Variants in IDO2 observed in about 807,000 individuals in gnomAD.
The protein encoded by IDO2 is indoleamine 2,3-dioxygenase-like 1 protein.
IDO2 carries 46 observed loss-of-function variants against 45.1 expected under a neutral mutation model. That is an observed-to-expected ratio of 1.02 (90% confidence interval 0.80 to 1.30). The LOEUF (loss-of-function observed/expected upper bound fraction) is 1.30. Among genes scored for constraint, IDO2 ranks in the 50% most tolerant of loss-of-function variants. IDO2 has a pLI of 0.00. For missense variants in IDO2, 544 were observed against 491.8 expected (o/e 1.11, Z -1.00); for synonymous variants, 218 against 184.9 (o/e 1.18, Z -1.45).
intron 2 of IDO2, among the ~76,000 whole-genome samples, chr8:39,963,346 A>T (rs889045467): frequency 6.6e-6 from 1 of 152,242 alleles, no homozygotes; most frequent in Non-Finnish European, 1.5e-5. Context: ...TGGCTCACAC[A>T]GATATCAGTA....
At chr8:39,996,864 A>G (rs1043842506) in intron 8 of IDO2, among the ~76,000 whole-genome samples, 1 of 152,206 alleles carries the variant, frequency 6.6e-6, no homozygotes, top group Non-Finnish European at 1.5e-5. Context: ...TAACTCAAAA[A>G]CAAGTCTAGT....
At chr8:39,963,546 A>G (rs1401128361) in intron 2 of IDO2, 62 bp from the exon 3 acceptor site, 2 of 904,594 alleles carry the variant, frequency 2.2e-6, no homozygotes, top group South Asian at 1.6e-5. Context: ...GAAAATAGCT[A>G]CTCTCGGAAG....
At chr8:39,954,130 A>G (rs1418963883) in intron 2 of IDO2, among the ~76,000 whole-genome samples, 2 of 152,344 alleles carry the variant, frequency 1.3e-5, no homozygotes, top group East Asian at 3.9e-4. Context: ...GAAGTTGCTT[A>G]GGATACAGAC....
At chr8:39,949,183 G>T in exon 2 of IDO2, 1 of 1,608,232 alleles carries the variant, frequency 6.2e-7, no homozygotes, top group Non-Finnish European at 8.5e-7. Context: ...CCCACAGACC[G>T]AATGTGAAGA....
rs1385563674 is a variant in IDO2, at chr8:39,985,520, TG to T, written c.449+1del. 3.2e-6 allele frequency: 5 copies of T among 1,564,902 alleles called. No homozygotes were observed. Among genetic ancestry groups the T allele is most frequent in the African/African-American group, 1.4e-5 (1 of 73,672 alleles). ...GAAATTGGGCTAGATTCCTGGAAAT[TG>T]GGTAAGTTCTCAGAAATCATTTACG... On this transcript the variant is annotated frameshift_variant and splice_region_variant, in exon 6 of 11. Transcript: ENST00000502986. LOFTEE classifies it high-confidence loss of function.
intron 1 of IDO2, among the ~76,000 whole-genome samples, chr8:39,941,221 C>CAACA: frequency 1.2e-5 from 1 of 80,552 alleles, no homozygotes; most frequent in Admixed American, 1.6e-4. Context: ...GACTCCATCT[C>CAACA]AAAAAAAAAA....
exon 3 of IDO2, chr8:39,963,631 G>A: frequency 6.2e-7 from 1 of 1,610,174 alleles, no homozygotes. Context: ...ATCATTATAG[G>A]CCTTGGATGG....
intron 8 of IDO2, among the ~76,000 whole-genome samples, chr8:39,991,651 A>C (rs1480950088): frequency 6.7e-6 from 1 of 150,072 alleles, no homozygotes; most frequent in Non-Finnish European, 1.5e-5. Context: ...GCTCACTGCA[A>C]GCTCTGCCTC....
At chr8:39,953,471 A>G (rs1300547883) in intron 2 of IDO2, among the ~76,000 whole-genome samples, 3 of 152,196 alleles carry the variant, frequency 2.0e-5, no homozygotes, top group Non-Finnish European at 2.9e-5. Context: ...ACTGATAGAA[A>G]TCTTTCACTT....
chr8:40,009,731 G>C (rs998953744), intron 9 of IDO2, among the ~76,000 whole-genome samples: 1 of 152,080 alleles, frequency 6.6e-6, no homozygotes, highest in Admixed American at 6.5e-5. Flanking sequence ...TTGTATGCTG[G>C]TGTTTTCTCT....
intron 8 of IDO2, among the ~76,000 whole-genome samples, chr8:39,991,127 A>G (rs1028052155): frequency 3.3e-5 from 5 of 152,202 alleles, no homozygotes; most frequent in African/African-American, 4.8e-5. Flanking sequence ...AAAAGTAAAT[A>G]TAATTTGTCA....
chr8:39,957,734 C>T (rs766631563), intron 2 of IDO2, among the ~76,000 whole-genome samples: 17 of 152,160 alleles, frequency 1.1e-4, no homozygotes, highest in Admixed American at 4.6e-4. Context: ...CTTCACTTTA[C>T]TTTGATGCAA....
chr8:39,969,426 T>A (rs1808147185), intron 3 of IDO2, among the ~76,000 whole-genome samples: 1 of 152,190 alleles, frequency 6.6e-6, no homozygotes, highest in Non-Finnish European at 1.5e-5. Flanking sequence ...GTGTTCTGAC[T>A]GCTCCACTGA....
chr8:39,971,116 G>A (rs967104595), intron 3 of IDO2, among the ~76,000 whole-genome samples: 5 of 152,182 alleles, frequency 3.3e-5, no homozygotes, highest in African/African-American at 1.2e-4. Context: ...AGGACAGGCT[G>A]ACTCTCTTGT....
Position 40,013,729 on chromosome 8 carries a change from T to C in IDO2, c.868+16T>C, listed in dbSNP as rs752269187. ...AAGGAAAGTGGTAAGTCAGACATTT[T>C]GTTTTCCCTTGAGAGTAGAGGGAGG... On this transcript the variant is annotated intron_variant, in intron 10 of 10. Transcript: ENST00000502986. 2 of 1,587,166 alleles carry C rather than the reference T, an allele frequency of 1.3e-6. No homozygotes were observed. The highest frequency in any genetic ancestry group is 1.1e-5 in the South Asian group (1 of 87,870).
chr8:39,949,105 A>G, intron 1 of IDO2, 44 bp from the exon 2 acceptor site: 1 of 1,557,798 alleles, frequency 6.4e-7, no homozygotes, highest in African/African-American at 1.4e-5. Flanking sequence ...TGGGTGTTTA[A>G]TTTATTAGGA....
At chr8:39,949,465 G>T (rs1015784691) in intron 2 of IDO2, among the ~76,000 whole-genome samples, 3 of 152,018 alleles carry the variant, frequency 2.0e-5, no homozygotes, top group Non-Finnish European at 4.4e-5. Flanking sequence ...AGGTCAAATG[G>T]AACATTTTTT....
At chr8:40,006,335 C>T (rs1378833608) in intron 9 of IDO2, among the ~76,000 whole-genome samples, 1 of 152,074 alleles carries the variant, frequency 6.6e-6, no homozygotes, top group African/African-American at 2.4e-5. Flanking sequence ...TGATTTTGCC[C>T]AACTGTGGGC....
chr8:39,995,681 A>G (rs927766396), intron 8 of IDO2, among the ~76,000 whole-genome samples: 3 of 152,242 alleles, frequency 2.0e-5, no homozygotes, highest in Non-Finnish European at 4.4e-5. Flanking sequence ...ATTACATATG[A>G]ATATCATTCT....
Sources: allele counts gnomAD v4.1 joint callset (sites outside exome capture counted in the v4.1 genomes callset), GRCh38; gene constraint gnomAD v4.1.1; transcripts MANE v1.5; gene names NCBI Gene and HGNC (gene_info 2026-07-23, HGNC 2026-07-21).